Variants in USP24 observed in about 807,000 individuals in gnomAD.
USP24 encodes ubiquitin carboxyl-terminal hydrolase 24.
A neutral mutation model predicts 361.6 loss-of-function variants in USP24; 97 were observed. That is an observed-to-expected ratio of 0.27 (90% confidence interval 0.23 to 0.32). The LOEUF is 0.32. USP24 is among the 10% of genes least tolerant of loss of function. USP24 has a pLI of 1.00. For synonymous variants in USP24, 1,098 were observed against 1,124.6 expected, an observed-to-expected ratio of 0.98 and a Z score of 0.47; for missense variants, 2,353 against 3,165.6, an observed-to-expected ratio of 0.74 and a Z score of 6.16.
chr1:55,097,867 T>G, intron 47 of USP24, 76 bp downstream of exon 47: 1 of 1,530,822 alleles, frequency 6.5e-7, no homozygotes, highest in Non-Finnish European at 8.7e-7. Context: ...AGCTTAATAC[T>G]GATTTTACAT....
At position 55,214,868 on chromosome 1, in the gene USP24, GCCGCCGCCGCCGCCGTCACCT is replaced by G; in HGVS notation, c.225_245del (p.Gly76_Gly82del). On this transcript the variant is annotated inframe_deletion, in exon 1 of 68. Coordinates refer to ENST00000294383, the MANE Select transcript of USP24 (RefSeq NM_015306.3). ...CTCCGGTGCTCCCGCCGCGGGAGGG[GCCGCCGCCGCCGCCGTCACCT>G]CCGCCGTCGCCCCGCGGGCCCCCGC... The G allele has an allele frequency of 3.4e-6, 4 of 1,191,922 alleles. No homozygotes were observed. The highest frequency in any genetic ancestry group is 1.7e-5 in the African/African-American group (1 of 58,728). 73.8% of individuals were successfully genotyped at this position (1,191,922 alleles called of 1,614,324 possible). A position where few individuals can be genotyped will look rare whatever the true frequency, so the allele number is the denominator to read the frequency against.
In USP24 at chr1:55,125,754, C is replaced by T. The variant is rs796766368; in HGVS notation, c.3640G>A (p.Val1214Ile). Reference sequence around the variant, plus strand: ...GAGTCTCTCTGCATGACATTTACAACCAAACTTCAAAAAGAAGAAAAAAAG... The same window carrying T: ...GAGTCTCTCTGCATGACATTTACAATCAAACTTCAAAAAGAAGAAAAAAAG... Reference protein sequence around the residue: ...NFLKAGGLSLVVNVMQRDSIP... With the variant: ...NFLKAGGLSLIVNVMQRDSIP... Residue 1214 changes from valine (V) to isoleucine (I), a missense_variant, in exon 33 of 68, where the codon GTT (valine) becomes ATT (isoleucine). Physicochemically the swap from Val to Ile is conservative, Grantham distance 29. Transcript: ENST00000294383. The T allele has an allele frequency of 1.9e-6, 3 of 1,572,592 alleles. No homozygotes were observed. The Admixed American group carries it at 5.6e-5, about 29-fold the overall frequency.
chr1:55,132,957 G>A (rs969390354), intron 30 of USP24, among the ~76,000 whole-genome samples: 7 of 152,174 alleles, frequency 4.6e-5, no homozygotes, highest in Admixed American at 3.3e-4. Flanking sequence ...AGCAACACCT[G>A]AGAAGGTCAT....
intron 1 of USP24, among the ~76,000 whole-genome samples, chr1:55,192,099 A>C (rs763952174): frequency 2.0e-5 from 3 of 152,234 alleles, no homozygotes; most frequent in Non-Finnish European, 2.9e-5. Context: ...AATCCTTGCA[A>C]ATGAGCTTTA....
chr1:55,071,904 T>C lies in USP24; in HGVS notation c.7710A>G (p.Thr2570=), dbSNP rs575577134. ...ATTGCTCTTTTTCATTCAACAAAGC[T>C]GTGGCATACGCTAACGTGTCCTGCA... ...ISAQDTLAYA[T]ALLNEKEQSG... is the part of the protein sequence containing the mutation. The change falls in exon 67 of 68, where the codon ACA becomes ACG. Residue 2570 remains threonine, a synonymous_variant. Coordinates refer to ENST00000294383, the MANE Select transcript of USP24 (RefSeq NM_015306.3). 1.2e-5 allele frequency: 20 copies of C among 1,611,848 alleles called. No individual in the cohort carries two copies. Among genetic ancestry groups the C allele is most frequent in the African/African-American group, 1.2e-4 (9 of 75,044 alleles).
chr1:55,160,541 T>C lies in USP24; in HGVS notation c.994-856A>G, dbSNP rs567387452. 3.3e-5 allele frequency among the ~76,000 whole-genome samples: 5 copies of C among 152,320 alleles called. No individual in the cohort carries two copies. In the East Asian group the frequency reaches 5.8e-4, roughly 18 times the overall value. ...TAAGAGTCTTCTGAAGTCATACAAGTAGCAAGTAGTAGAGACAACTGTTAT... is the reference window on the plus strand; with the variant it reads ...TAAGAGTCTTCTGAAGTCATACAAGCAGCAAGTAGTAGAGACAACTGTTAT... On this transcript the variant is annotated intron_variant, in intron 8 of 67. Coordinates refer to ENST00000294383, the MANE Select transcript of USP24 (RefSeq NM_015306.3).
chr1:55,208,537 G>C (rs1049255017), intron 1 of USP24, among the ~76,000 whole-genome samples: 1 of 151,730 alleles, frequency 6.6e-6, no homozygotes, highest in African/African-American at 2.4e-5. Flanking sequence ...GTTGAGGCAG[G>C]AGAATCACTT....
In USP24 at chr1:55,196,482, A is replaced by G. The variant is rs191281524; in HGVS notation, c.324+18308T>C. Among the ~76,000 whole-genome samples, 4 of 152,140 alleles carry G rather than the reference A, an allele frequency of 2.6e-5. No individual in the cohort carries two copies. The East Asian group carries it at 7.7e-4, about 29-fold the overall frequency. The stretch of plus-strand genomic sequence containing the variant: ...GGTGTGATCCACTGTAATATCTAAG[A>G]TTGTTTTTCATCTCCCTCAAGAACC... On this transcript the variant is annotated intron_variant, in intron 1 of 67. Coordinates refer to ENST00000294383, the MANE Select transcript of USP24 (RefSeq NM_015306.3).
intron 1 of USP24, among the ~76,000 whole-genome samples, chr1:55,184,980 T>C (rs934534367): frequency 2.6e-5 from 4 of 151,966 alleles, no homozygotes; most frequent in African/African-American, 4.8e-5. Flanking sequence ...TTTTTTGACA[T>C]GGGGTCTTGT....
intron 1 of USP24, among the ~76,000 whole-genome samples, chr1:55,211,886 T>A (rs943371677): frequency 6.6e-6 from 1 of 152,244 alleles, no homozygotes; most frequent in Non-Finnish European, 1.5e-5. Flanking sequence ...AATAGAAATG[T>A]ATATAATTTA....
intron 1 of USP24, among the ~76,000 whole-genome samples, chr1:55,202,593 C>T (rs947349588): frequency 2.0e-5 from 3 of 151,994 alleles, no homozygotes; most frequent in East Asian, 1.9e-4. Flanking sequence ...TCAGTAGAGA[C>T]GGAGTTTCAC....
At chr1:55,115,919 A>C (rs1409355622) in intron 38 of USP24, among the ~76,000 whole-genome samples, 1 of 152,212 alleles carries the variant, frequency 6.6e-6, no homozygotes, top group Non-Finnish European at 1.5e-5. Context: ...ACACAAGAAC[A>C]GAAAACCAAG....
rs761579082 is a variant in USP24 at position 55,073,912 on chromosome 1, G to A, written c.7448-6C>T. 1 of 1,564,686 alleles carries A rather than the reference G, an allele frequency of 6.4e-7. No homozygotes were observed. The highest frequency in any genetic ancestry group is 1.2e-5 in the South Asian group (1 of 84,604). On this transcript the variant is annotated splice_polypyrimidine_tract_variant and splice_region_variant and intron_variant, in intron 63 of 67. Transcript: ENST00000294383. ...ATTACTGTGGTGCATCAAAGCTGAG[G>A]GAAGAGAAAAGGACATTTTAACAAT...
chr1:55,129,391 AAT>A, intron 32 of USP24, 84 bp downstream of exon 32: 1 of 1,069,344 alleles, frequency 9.4e-7, no homozygotes, highest in Non-Finnish European at 1.4e-6. Context: ...ACCTTGTAGG[AAT>A]AAGCAAGACT....
Position 55,144,118 on chromosome 1 carries a change from C to T in USP24, c.2439+9G>A, listed in dbSNP as rs749942917. On this transcript the variant is annotated intron_variant, in intron 21 of 67. Transcript: ENST00000294383. ...CCAAACTATCTAGATTTGAGAATAA[C>T]GTACTTACCAACTGAGCTCCTTGTC... 23 of 1,592,252 alleles carry T rather than the reference C, an allele frequency of 1.4e-5. No homozygotes were observed. Among genetic ancestry groups the T allele is most frequent in the African/African-American group, 4.1e-5 (3 of 73,156 alleles).
At chr1:55,087,951 C>T (rs1174216808) in intron 55 of USP24, among the ~76,000 whole-genome samples, 3 of 152,114 alleles carry the variant, frequency 2.0e-5, no homozygotes, top group Non-Finnish European at 2.9e-5. Flanking sequence ...AAAATAAGCT[C>T]GGCAGGTTCA....
In USP24 at chr1:55,078,604, A is replaced by G; in HGVS notation, c.7248T>C (p.Ile2416=). 1 of 1,608,410 alleles carries G rather than the reference A, an allele frequency of 6.2e-7. No homozygotes were observed. Among genetic ancestry groups the G allele is most frequent in the Non-Finnish European group, 8.5e-7 (1 of 1,176,450 alleles). Residue 2416 remains isoleucine (I), a synonymous_variant, in exon 61 of 68, where the codon ATT becomes ATC. Transcript: ENST00000294383. Reference sequence around the variant, plus strand: ...AGAAACAGCAGTACACTACCATCTCAATGAGTGCCAAGAGCGAGCCTGTCA... The same window carrying G: ...AGAAACAGCAGTACACTACCATCTCGATGAGTGCCAAGAGCGAGCCTGTCA... The part of the protein sequence containing the change: ...RELTGSLLAL[I]EMVVYCCFCN...
At chr1:55,132,769 T>C in intron 30 of USP24, 69 bp from the exon 31 acceptor site, 1 of 1,445,888 alleles carries the variant, frequency 6.9e-7, no homozygotes, top group African/African-American at 1.4e-5. Context: ...CAGATCTTAG[T>C]ACACGTCCTA....
At chr1:55,160,886 C>T (rs1648204650) in intron 8 of USP24, among the ~76,000 whole-genome samples, 1 of 152,150 alleles carries the variant, frequency 6.6e-6, no homozygotes, top group Admixed American at 6.5e-5. Context: ...AGTCCAATCA[C>T]TTTGCCTCTT....
Sources: allele counts gnomAD v4.1 joint callset (sites outside exome capture counted in the v4.1 genomes callset), GRCh38; gene constraint gnomAD v4.1.1; transcripts MANE v1.5; gene names NCBI Gene and HGNC (gene_info 2026-07-23, HGNC 2026-07-21).